Variants in IPO11 observed in about 807,000 individuals in gnomAD.
IPO11 encodes the protein importin-11.
IPO11 carries 66 observed loss-of-function variants against 143.2 expected under a neutral mutation model. The ratio of observed to expected loss-of-function variants is 0.46; its 90% confidence interval spans 0.38 to 0.57. The LOEUF (loss-of-function observed/expected upper bound fraction) is 0.57, where lower values mean the gene tolerates loss of function less well. Ranked by LOEUF, IPO11 falls within the 20% of genes least tolerant of loss-of-function variation. The probability of loss-of-function intolerance (pLI) is 0.00; values close to 1 mark genes in which losing one functional copy is unlikely to be tolerated. For missense variants in IPO11, 1,026 were observed against 1,141.0 expected, an observed-to-expected ratio of 0.90 and a Z score of 1.45; for synonymous variants, 385 against 377.8, an observed-to-expected ratio of 1.02 and a Z score of -0.22.
chr5:62,617,648 A>ATT (rs146061442), intron 29 of IPO11, among the ~76,000 whole-genome samples: 4 of 149,852 alleles, frequency 2.7e-5, no homozygotes, highest in African/African-American at 9.7e-5. Flanking sequence ...ATTAAAGTTG[A>ATT]TTTTTTTTTT....
intron 9 of IPO11, 112 bp downstream of exon 9, chr5:62,476,865 G>T (rs1162204937): frequency 8.6e-7 from 1 of 1,157,490 alleles, no homozygotes; most frequent in Non-Finnish European, 1.1e-6. Flanking sequence ...GGAAACCTAT[G>T]TTCTGACTCC....
chr5:62,534,548 A>G (rs1411183639), intron 22 of IPO11, among the ~76,000 whole-genome samples: 6 of 152,238 alleles, frequency 3.9e-5, no homozygotes, highest in Non-Finnish European at 8.8e-5. Context: ...ATATATGCAC[A>G]GTGCATAACT....
At chr5:62,554,524 TG>T (rs1278918005) in intron 26 of IPO11, among the ~76,000 whole-genome samples, 1 of 152,182 alleles carries the variant, frequency 6.6e-6, no homozygotes, top group African/African-American at 2.4e-5. Context: ...GCACCATCGT[TG>T]AAGTAACTGT....
chr5:62,440,122 A>G (rs1346189091), intron 2 of IPO11, among the ~76,000 whole-genome samples: 1 of 152,116 alleles, frequency 6.6e-6, no homozygotes, highest in Non-Finnish European at 1.5e-5. Flanking sequence ...GTAAGACAAG[A>G]CTCAATGTAG....
chr5:62,527,347 T>C (rs758008953), intron 21 of IPO11, among the ~76,000 whole-genome samples: 4 of 152,344 alleles, frequency 2.6e-5, no homozygotes, highest in Non-Finnish European at 5.9e-5. Context: ...TTGCAACTAT[T>C]TGACTCTGCT....
intron 29 of IPO11, among the ~76,000 whole-genome samples, chr5:62,613,300 T>TC (rs201324559): frequency 2.0e-3 from 272 of 135,690 alleles, no homozygotes; most frequent in African/African-American, 7.8e-3. Flanking sequence ...ATGCTCTTCT[T>TC]TTTTTTTTTT....
At chr5:62,615,306 A>G (rs1437168960) in intron 29 of IPO11, among the ~76,000 whole-genome samples, 1 of 152,182 alleles carries the variant, frequency 6.6e-6, no homozygotes, top group Non-Finnish European at 1.5e-5. Flanking sequence ...CCAATGTTTG[A>G]TAGTCCCAAG....
At chr5:62,453,140 G>GT (rs1745003575) in intron 5 of IPO11, among the ~76,000 whole-genome samples, 1 of 151,032 alleles carries the variant, frequency 6.6e-6, no homozygotes, top group African/African-American at 2.5e-5. Flanking sequence ...GTGTTTTGTA[G>GT]TTTTGTAGAA....
chr5:62,434,622 A>T (rs1409254523), intron 1 of IPO11, among the ~76,000 whole-genome samples: 1 of 152,118 alleles, frequency 6.6e-6, no homozygotes, highest in African/African-American at 2.4e-5. Flanking sequence ...TTTAAGTGTA[A>T]AATATACACA....
At position 62,587,565 on chromosome 5, in the gene IPO11, AT is replaced by A. The variant is rs536446346; in HGVS notation, c.2583-4011del. Among the ~76,000 whole-genome samples, 30 of 152,220 alleles carry A rather than the reference AT, an allele frequency of 2.0e-4. No homozygotes were observed. In the East Asian group the frequency reaches 4.2e-3, roughly 22 times the overall value. On this transcript the variant is annotated intron_variant, in intron 27 of 29. Coordinates refer to ENST00000325324, the MANE Select transcript of IPO11 (RefSeq NM_016338.5). ...TAAAGTATTTTCCCAGTTTTCTAAT[AT>A]AAAAAATATTGAGTTATAATACATT...
chr5:62,471,598 T>A (rs1240083609), intron 7 of IPO11, among the ~76,000 whole-genome samples: 1 of 152,184 alleles, frequency 6.6e-6, no homozygotes, highest in Non-Finnish European at 1.5e-5. Context: ...CTCAATTTGA[T>A]ACAAATGGGA....
At chr5:62,586,752 CAAAAAAAAAAA>C (rs763383085) in intron 27 of IPO11, among the ~76,000 whole-genome samples, 2 of 60,486 alleles carry the variant, frequency 3.3e-5, no homozygotes, top group Admixed American at 2.6e-4. Context: ...ACTCAGTCTC[CAAAAAAAAAAA>C]AAAAAATATA....
At chr5:62,609,041 G>C (rs1745835794) in intron 29 of IPO11, among the ~76,000 whole-genome samples, 1 of 152,202 alleles carries the variant, frequency 6.6e-6, no homozygotes, top group South Asian at 2.1e-4. Flanking sequence ...AGTCAGCAGA[G>C]TGTGATGTTG....
At chr5:62,517,570 T>G (rs1313596291) in intron 20 of IPO11, among the ~76,000 whole-genome samples, 1 of 152,064 alleles carries the variant, frequency 6.6e-6, no homozygotes, top group Non-Finnish European at 1.5e-5. Flanking sequence ...GCCTGGCTAA[T>G]TTTTGTATTT....
intron 6 of IPO11, among the ~76,000 whole-genome samples, chr5:62,469,190 C>G (rs1478302817): frequency 6.6e-6 from 1 of 152,148 alleles, no homozygotes; most frequent in Non-Finnish European, 1.5e-5. Flanking sequence ...TATTGTGGCT[C>G]AAGGTCTTGT....
At chr5:62,445,433 G>A (rs1218482778) in intron 3 of IPO11, among the ~76,000 whole-genome samples, 2 of 151,764 alleles carry the variant, frequency 1.3e-5, no homozygotes, top group Non-Finnish European at 2.9e-5. Context: ...TTTTCTTCAG[G>A]TTAATGGCTT....
At chr5:62,468,057 C>T (rs1283018403) in intron 6 of IPO11, among the ~76,000 whole-genome samples, 1 of 152,132 alleles carries the variant, frequency 6.6e-6, no homozygotes, top group African/African-American at 2.4e-5. Flanking sequence ...AAGTGATCCT[C>T]TCACTGCAGC....
chr5:62,418,884 A>T, intron 1 of IPO11: 1 of 1,086,916 alleles, frequency 9.2e-7, no homozygotes, highest in Non-Finnish European at 1.3e-6. Flanking sequence ...TTCTGTGATT[A>T]TAGCACCAGG....
intron 16 of IPO11, among the ~76,000 whole-genome samples, chr5:62,499,366 C>G (rs1423280163): frequency 6.6e-6 from 1 of 152,158 alleles, no homozygotes; most frequent in Non-Finnish European, 1.5e-5. Flanking sequence ...CGTTACACCT[C>G]TATAGGGCGC....
Sources: gnomAD v4.1 joint callset for allele counts (sites outside exome capture counted in the v4.1 genomes callset) on GRCh38, gnomAD v4.1.1 for gene constraint, MANE v1.5 for transcripts, NCBI Gene and HGNC (gene_info 2026-07-23, HGNC 2026-07-21) for gene names.